PPP2R2C: variants seen among roughly 807,000 people sequenced by gnomAD.
The protein encoded by PPP2R2C is protein phosphatase 2 regulatory subunit Bgamma, also known as protein phosphatase 2, regulatory subunit B, gamma.
Under a neutral mutation model 45.3 loss-of-function variants are expected in PPP2R2C, and 10 were observed. The ratio of observed to expected loss-of-function variants is 0.22; its 90% CI spans 0.14 to 0.37. The LOEUF is 0.37. Among genes scored for constraint, PPP2R2C ranks in the 10% least tolerant of loss-of-function variants. The pLI is 1.00. For missense variants in PPP2R2C, 308 were observed against 619.7 expected (o/e 0.50, Z 5.34); for synonymous variants, 257 against 245.4 (o/e 1.05, Z -0.44).
intron 2 of PPP2R2C, among the ~76,000 whole-genome samples, chr4:6,529,671 T>C (rs983351386): frequency 6.6e-6 from 1 of 152,148 alleles, no homozygotes; most frequent in Non-Finnish European, 1.5e-5. Flanking sequence ...AGAGGGAAAA[T>C]TGGCGAGGCT....
At chr4:6,546,846 G>A (rs1000925143) in intron 1 of PPP2R2C, among the ~76,000 whole-genome samples, 1 of 152,178 alleles carries the variant, frequency 6.6e-6, no homozygotes, top group Non-Finnish European at 1.5e-5. Flanking sequence ...GCCGTGAAGC[G>A]GGGGCTCTGC....
At chr4:6,392,099 T>C (rs1166685165) in intron 1 of PPP2R2C, among the ~76,000 whole-genome samples, 1 of 152,334 alleles carries the variant, frequency 6.6e-6, no homozygotes, top group East Asian at 1.9e-4. Flanking sequence ...CTGTCTGGGA[T>C]GATGAGAAAG....
At chr4:6,510,542 C>T (rs1723390970) in intron 2 of PPP2R2C, among the ~76,000 whole-genome samples, 1 of 152,310 alleles carries the variant, frequency 6.6e-6, no homozygotes, top group Non-Finnish European at 1.5e-5. Context: ...CTGCCCCGCC[C>T]CACATGCATG....
At chr4:6,490,700 G>A (rs1383563243) in intron 2 of PPP2R2C, among the ~76,000 whole-genome samples, 1 of 152,188 alleles carries the variant, frequency 6.6e-6, no homozygotes, top group Non-Finnish European at 1.5e-5. Flanking sequence ...GAGAGCGGAC[G>A]CATCAGGGCA....
chr4:6,516,659 G>C (rs1053426270), intron 2 of PPP2R2C, among the ~76,000 whole-genome samples: 1 of 152,212 alleles, frequency 6.6e-6, no homozygotes, highest in Non-Finnish European at 1.5e-5. Flanking sequence ...ACCCTGCAGC[G>C]AGTTTTTCAT....
chr4:6,525,260 C>G (rs1373588794), intron 2 of PPP2R2C, among the ~76,000 whole-genome samples: 1 of 152,008 alleles, frequency 6.6e-6, no homozygotes, highest in Non-Finnish European at 1.5e-5. Flanking sequence ...AAAAAATTAG[C>G]CGGGCATGGT....
chr4:6,332,458 G>A lies in PPP2R2C; in HGVS notation c.960+1104C>T, dbSNP rs989142277. On this transcript the variant is annotated intron_variant, in intron 7 of 8. Transcript: ENST00000382599. This position sits in a 1 kb window ranked among gnomAD's most constrained non-coding sequence, Gnocchi z 4.9. Reference sequence around the variant, plus strand: ...TCCCCATAGCGGTCCTTGTGGGTGTGTGGCTTCCAGGAGCGTGAGCTGTTC... The same window carrying A: ...TCCCCATAGCGGTCCTTGTGGGTGTATGGCTTCCAGGAGCGTGAGCTGTTC... Among the ~76,000 whole-genome samples, 2 of 152,160 alleles carry A rather than the reference G, an allele frequency of 1.3e-5. No individual in the cohort carries two copies. Among genetic ancestry groups the A allele is most frequent in the Admixed American group, 6.5e-5 (1 of 15,274 alleles).
Position 6,333,649 on chromosome 4 carries a change from G to C in PPP2R2C, c.873C>G (p.His291Gln). 1 of 1,614,190 alleles carries C rather than the reference G, an allele frequency of 6.2e-7. No individual in the cohort carries two copies. The highest frequency in any genetic ancestry group is 8.5e-7 in the Non-Finnish European group (1 of 1,180,022). ...CCCGGGTGAGCATGTAGCGGCCGCT[G>C]TGGCTGAACTTCACGTCGGACACGG... ...ISSVSDVKFSHSGRYMLTRDY... is the reference protein window; with the variant it reads ...ISSVSDVKFSQSGRYMLTRDY... Residue 291 changes from histidine (H) to glutamine (Q), a missense_variant, in exon 7 of 9, where the codon CAC (histidine) becomes CAG (glutamine). Coordinates refer to ENST00000382599, the MANE Select transcript of PPP2R2C (RefSeq NM_020416.4).
intron 5 of PPP2R2C, among the ~76,000 whole-genome samples, chr4:6,361,965 G>A (rs991162584): frequency 4.6e-5 from 7 of 152,180 alleles, no homozygotes; most frequent in South Asian, 2.1e-4. Context: ...AGGGCCCTCC[G>A]AAGCCCATGG....
rs191248420 is a variant in PPP2R2C, at chr4:6,342,633, C to G, written c.790+5213G>C. Reference sequence around the variant, plus strand: ...CCCAATTCTAAGAAATCCCAGTGTTCCGGGCACGGCCCTTTCTTTCCGCAG... The same window carrying G: ...CCCAATTCTAAGAAATCCCAGTGTTGCGGGCACGGCCCTTTCTTTCCGCAG... On this transcript the variant is annotated intron_variant, in intron 6 of 8. Transcript: ENST00000382599. Among the ~76,000 whole-genome samples, 741 of 152,332 alleles carry G rather than the reference C, an allele frequency of 4.9e-3. 7 individuals are homozygous for G. The highest frequency in any genetic ancestry group is 0.017 in the African/African-American group (701 of 41,578).
intron 2 of PPP2R2C, among the ~76,000 whole-genome samples, chr4:6,504,392 T>C (rs1293331052): frequency 6.6e-6 from 1 of 152,058 alleles, no homozygotes; most frequent in African/African-American, 2.4e-5. Flanking sequence ...GTCTACAATG[T>C]ACTGCTCAAA....
At chr4:6,458,105 A>G (rs1042217618) in intron 1 of PPP2R2C, among the ~76,000 whole-genome samples, 1 of 152,220 alleles carries the variant, frequency 6.6e-6, no homozygotes, top group Non-Finnish European at 1.5e-5. Context: ...GATTTCTTCT[A>G]TGACTCCATT....
intron 1 of PPP2R2C, among the ~76,000 whole-genome samples, chr4:6,464,211 A>C (rs752405674): frequency 1.6e-4 from 25 of 152,190 alleles, no homozygotes; most frequent in Non-Finnish European, 3.4e-4. Context: ...TAGCCAATAA[A>C]TGGTGAATCA....
At chr4:6,553,045 G>A (rs1725234161) in intron 1 of PPP2R2C, among the ~76,000 whole-genome samples, 1 of 152,162 alleles carries the variant, frequency 6.6e-6, no homozygotes, top group African/African-American at 2.4e-5. Flanking sequence ...AAGCATTTGG[G>A]GCACATAGGG....
intron 1 of PPP2R2C, among the ~76,000 whole-genome samples, chr4:6,463,711 G>T (rs13129773): frequency 1.3e-5 from 2 of 152,170 alleles, no homozygotes; most frequent in Non-Finnish European, 2.9e-5. Flanking sequence ...CCCAGAATGC[G>T]CTAGAATACC....
chr4:6,526,747 G>T (rs148578459), intron 2 of PPP2R2C, among the ~76,000 whole-genome samples: 2 of 152,314 alleles, frequency 1.3e-5, no homozygotes, highest in South Asian at 2.1e-4. Flanking sequence ...AGGTAGAGGG[G>T]TGAGAGGGTG....
chr4:6,538,419 C>T (rs188542686), intron 1 of PPP2R2C, among the ~76,000 whole-genome samples: 4 of 152,222 alleles, frequency 2.6e-5, no homozygotes, highest in South Asian at 2.1e-4. Flanking sequence ...TCCCCAGCGA[C>T]GCAAGCGTTT....
At chr4:6,382,519 G>T in intron 1 of PPP2R2C, 1 of 1,351,834 alleles carries the variant, frequency 7.4e-7, no homozygotes, top group Non-Finnish European at 9.8e-7. Flanking sequence ...CACCATAACT[G>T]AATTCTGATC....
intron 3 of PPP2R2C, among the ~76,000 whole-genome samples, chr4:6,377,912 G>T (rs962222879): frequency 6.6e-6 from 1 of 152,196 alleles, no homozygotes; most frequent in Non-Finnish European, 1.5e-5. Flanking sequence ...GCCGGCCGGG[G>T]TCCTAAACCA....
Sources: allele counts gnomAD v4.1 joint callset (sites outside exome capture counted in the v4.1 genomes callset), GRCh38; gene constraint gnomAD v4.1.1; non-coding constraint Gnocchi (gnomAD v3.1); transcripts MANE v1.5; gene names NCBI Gene and HGNC (gene_info 2026-07-23, HGNC 2026-07-21).